AP3B1: variants seen among roughly 807,000 people sequenced by gnomAD.
AP3B1 encodes the protein AP-3 complex subunit beta-1.
AP3B1 carries 61 observed loss-of-function variants against 132.5 expected under a neutral mutation model. The ratio of observed to expected loss-of-function variants is 0.46; its 90% CI spans 0.37 to 0.57. The LOEUF is 0.57. Among genes scored for constraint, AP3B1 ranks in the 20% least tolerant of loss-of-function variants. The pLI is 0.00. For synonymous variants in AP3B1, 388 were observed against 438.3 expected, an observed-to-expected ratio of 0.89 and a Z score of 1.43; for missense variants, 1,120 against 1,289.4, an observed-to-expected ratio of 0.87 and a Z score of 2.01.
chr5:78,291,428 A>AAAAC (rs749999785), intron 1 of AP3B1, among the ~76,000 whole-genome samples: 1 of 151,192 alleles, frequency 6.6e-6, no homozygotes, highest in Non-Finnish European at 1.5e-5. Flanking sequence ...TTGAAAAAAA[A>AAAAC]AAAAAAAAAA....
In AP3B1 at chr5:78,166,117, T is replaced by TCA. The variant is rs70997970; in HGVS notation, c.1168-447_1168-446dup. Among the ~76,000 whole-genome samples the TCA allele has an allele frequency of 7.1e-4, 96 of 135,912 alleles. 3 individuals carry two copies. Among genetic ancestry groups the TCA allele is most frequent in the African/African-American group, 1.4e-3 (50 of 35,524 alleles). 89.2% of individuals were successfully genotyped at this position (135,912 alleles called of 152,430 possible). ...CCTGGGAAACAAGACTGAAACTCTGTCACACACACACACACACACACACAC... is the reference window on the plus strand; with the variant it reads ...CCTGGGAAACAAGACTGAAACTCTGTCACACACACACACACACACACACACAC... On this transcript the variant is annotated intron_variant, in intron 11 of 26. Transcript: ENST00000255194.
At chr5:78,210,819 CTG>C (rs1218305754) in intron 7 of AP3B1, among the ~76,000 whole-genome samples, 3 of 152,100 alleles carry the variant, frequency 2.0e-5, no homozygotes, top group South Asian at 2.1e-4. Context: ...AAAATTTACT[CTG>C]TGTTTTATAA....
At chr5:78,234,797 A>C (rs1298971401) in intron 3 of AP3B1, among the ~76,000 whole-genome samples, 1 of 152,342 alleles carries the variant, frequency 6.6e-6, no homozygotes, top group South Asian at 2.1e-4. Context: ...ACTGAAAAAA[A>C]TTAAGACATT....
intron 11 of AP3B1, among the ~76,000 whole-genome samples, chr5:78,171,863 T>C (rs1475067711): frequency 1.3e-5 from 2 of 152,200 alleles, no homozygotes; most frequent in African/African-American, 2.4e-5. Context: ...CAGTATGATA[T>C]TGGCAGTGGG....
At chr5:78,288,616 A>T (rs1359128474) in intron 1 of AP3B1, among the ~76,000 whole-genome samples, 1 of 152,246 alleles carries the variant, frequency 6.6e-6, no homozygotes, top group Non-Finnish European at 1.5e-5. Flanking sequence ...GGAATCAGTC[A>T]TGCTTCATTT....
At chr5:78,287,752 A>T (rs1168184948) in intron 1 of AP3B1, among the ~76,000 whole-genome samples, 3 of 40,672 alleles carry the variant, frequency 7.4e-5, no homozygotes, top group South Asian at 5.7e-4. Context: ...ACCCCTTGTA[A>T]AAAAAAAAAA....
intron 1 of AP3B1, among the ~76,000 whole-genome samples, chr5:78,282,846 A>G (rs1375675612): frequency 9.2e-6 from 1 of 108,990 alleles, no homozygotes; most frequent in Non-Finnish European, 2.1e-5. Context: ...ACTTGTCTCT[A>G]CCAAAAAAAA....
At chr5:78,146,384 C>T (rs141314860) in intron 14 of AP3B1, among the ~76,000 whole-genome samples, 248 of 152,308 alleles carry the variant, frequency 1.6e-3, no homozygotes, top group African/African-American at 5.9e-3. Flanking sequence ...CTTCAGTTTC[C>T]TCAGATACGT....
At chr5:78,012,857 G>A (rs1746676729) in intron 26 of AP3B1, among the ~76,000 whole-genome samples, 1 of 152,178 alleles carries the variant, frequency 6.6e-6, no homozygotes, top group Admixed American at 6.5e-5. Context: ...ATTGAGAATT[G>A]ATTGTAATTT....
intron 23 of AP3B1, among the ~76,000 whole-genome samples, chr5:78,038,786 C>A (rs1000005033): frequency 5.9e-5 from 9 of 152,162 alleles, no homozygotes; most frequent in African/African-American, 1.9e-4. Flanking sequence ...GCAATCTTGA[C>A]TCTGCAGACC....
At chr5:78,219,486 A>G (rs1302945982) in intron 6 of AP3B1, among the ~76,000 whole-genome samples, 1 of 152,006 alleles carries the variant, frequency 6.6e-6, no homozygotes, top group Non-Finnish European at 1.5e-5. Flanking sequence ...TTAAGAATAA[A>G]CAATAAAAAT....
intron 14 of AP3B1, among the ~76,000 whole-genome samples, chr5:78,151,849 CTCCCCCT>C: frequency 1.7e-5 from 1 of 57,638 alleles, no homozygotes; most frequent in African/African-American, 7.1e-5. Context: ...CCCCCTTCCC[CTCCCCCT>C]TCCCCTCCCC....
At chr5:78,162,713 A>C (rs1012134656) in intron 13 of AP3B1, 106 bp downstream of exon 13, 19 of 1,238,708 alleles carry the variant, frequency 1.5e-5, no homozygotes, top group Admixed American at 7.1e-5. Flanking sequence ...TACTGATATA[A>C]CTGGAAAAGC....
At chr5:78,148,793 T>C (rs978097233) in intron 14 of AP3B1, among the ~76,000 whole-genome samples, 1 of 152,214 alleles carries the variant, frequency 6.6e-6, no homozygotes, top group Non-Finnish European at 1.5e-5. Context: ...CAGTCACCTA[T>C]ATATCTCTCT....
In AP3B1 at chr5:78,227,613, G is replaced by A. The variant is rs577654342; in HGVS notation, c.376-81C>T. 2.2e-6 allele frequency: 3 copies of A among 1,354,326 alleles called. No homozygotes were observed. In the Admixed American group the frequency reaches 5.3e-5, roughly 24 times the overall value. The allele number at this position is 1,354,326 out of a possible 1,614,324, so 83.9% of individuals were successfully genotyped here. ...TATCTTTCAGACACAGTTAATAGGT[G>A]CTTAAAGGGTGTAATATGACAATAG... is the stretch of plus-strand genomic sequence containing the variant. On this transcript the variant is annotated intron_variant, in intron 4 of 26. Coordinates refer to ENST00000255194, the MANE Select transcript of AP3B1 (RefSeq NM_003664.5).
At chr5:78,239,778 CAAAA>C (rs560151932) in intron 3 of AP3B1, among the ~76,000 whole-genome samples, 2 of 77,346 alleles carry the variant, frequency 2.6e-5, no homozygotes, top group African/African-American at 4.9e-5. Context: ...GACTCTGTCT[CAAAA>C]AAAAAAAAAA....
At chr5:78,006,512 A>G (rs1041814527) in intron 26 of AP3B1, among the ~76,000 whole-genome samples, 5 of 152,216 alleles carry the variant, frequency 3.3e-5, no homozygotes, top group Admixed American at 6.5e-5. Context: ...CTGCCTTTAA[A>G]GATTTAAAAC....
chr5:78,233,600 G>T (rs765448689), intron 3 of AP3B1, among the ~76,000 whole-genome samples: 2 of 152,154 alleles, frequency 1.3e-5, no homozygotes, highest in Non-Finnish European at 2.9e-5. Flanking sequence ...AGGAAATACA[G>T]AATATGAAAG....
At chr5:78,259,066 T>C (rs542237574) in intron 2 of AP3B1, among the ~76,000 whole-genome samples, 217 of 151,950 alleles carry the variant, frequency 1.4e-3, no homozygotes, top group Non-Finnish European at 1.9e-3. Context: ...TGAAACCCCA[T>C]CTCTATTAAA....
Sources: gnomAD v4.1 joint callset for allele counts (sites outside exome capture counted in the v4.1 genomes callset) on GRCh38, gnomAD v4.1.1 for gene constraint, MANE v1.5 for transcripts, NCBI Gene and HGNC (gene_info 2026-07-23, HGNC 2026-07-21) for gene names.